PYROXD1: variants seen among roughly 807,000 people sequenced by gnomAD.
PYROXD1 encodes tRNA ligase complex-associated NAD(P)H dehydrogenase PYROXD1.
In PYROXD1, 42 loss-of-function variants were observed where a neutral mutation model predicts 62.0. The ratio of observed to expected loss-of-function variants is 0.68; its 90% CI spans 0.53 to 0.88. The LOEUF (loss-of-function observed/expected upper bound fraction) is 0.88. PYROXD1 is among the 40% of genes least tolerant of loss of function. The pLI, the probability that PYROXD1 is intolerant of heterozygous loss-of-function variation, is 0.00. For synonymous variants in PYROXD1, 170 were observed against 206.4 expected (o/e 0.82, Z 1.51); for missense variants, 493 against 604.8 (o/e 0.82, Z 1.94).
chr12:21,443,666 G>A (rs1411916090), intron 2 of PYROXD1, among the ~76,000 whole-genome samples: 2 of 152,062 alleles, frequency 1.3e-5, no homozygotes, highest in Admixed American at 6.5e-5. Flanking sequence ...GTCGAAAAAC[G>A]TACATTCTGA....
rs115855519 is a variant in PYROXD1, at chr12:21,452,326, C to T, written c.488+172C>T. ...TCATATGTTTTCAAGGGGAAAAATCCACCATATTTTTTTAGCTCTTGTGGA... is the reference window on the plus strand; with the variant it reads ...TCATATGTTTTCAAGGGGAAAAATCTACCATATTTTTTTAGCTCTTGTGGA... On this transcript the variant is annotated intron_variant, in intron 5 of 11. Transcript: ENST00000240651. Among the ~76,000 whole-genome samples, 1,054 of 151,802 alleles carry T rather than the reference C, an allele frequency of 6.9e-3. 12 individuals carry two copies. The highest frequency in any genetic ancestry group is 0.021 in the African/African-American group (850 of 41,400).
At chr12:21,450,024 ATTTTTTT>A (rs57680030) in intron 4 of PYROXD1, among the ~76,000 whole-genome samples, 1 of 140,938 alleles carries the variant, frequency 7.1e-6, no homozygotes. Flanking sequence ...CGCCTGGCTG[ATTTTTTT>A]TTTTTTTTTT....
intron 4 of PYROXD1, among the ~76,000 whole-genome samples, chr12:21,450,827 T>G (rs1243528335): frequency 6.6e-6 from 1 of 152,214 alleles, no homozygotes; most frequent in Non-Finnish European, 1.5e-5. Context: ...CTCGGTCCTC[T>G]ACATACATGA....
chr12:21,438,924 A>T (rs1942245244), intron 1 of PYROXD1, among the ~76,000 whole-genome samples: 1 of 152,172 alleles, frequency 6.6e-6, no homozygotes, highest in African/African-American at 2.4e-5. Context: ...AAGAGACAAT[A>T]TTACAATATT....
intron 7 of PYROXD1, chr12:21,456,973 G>A (rs7964568): frequency 0.49 from 207,544 of 426,628 alleles, 50,938 homozygotes; most frequent in Middle Eastern, 0.57. Context: ...TCATGAGATT[G>A]CAGCAATGTA....
In PYROXD1 at chr12:21,471,242, TAAAGAAA is replaced by T; in HGVS notation, c.*2490_*2496del. 1 of 1,032,540 alleles carries T rather than the reference TAAAGAAA, an allele frequency of 9.7e-7. No individual in the cohort carries two copies. The highest frequency in any genetic ancestry group is 1.4e-6 in the Non-Finnish European group (1 of 735,630). 64.0% of individuals were successfully genotyped at this position (1,032,540 alleles called of 1,614,324 possible). A position where few individuals can be genotyped will look rare whatever the true frequency, so the allele number is the denominator to read the frequency against. On this transcript the variant is annotated 3_prime_UTR_variant, in exon 12 of 12. Transcript: ENST00000240651. The stretch of plus-strand genomic sequence containing the variant: ...TTTACAAGAATGCAAATAAAGCCTT[TAAAGAAA>T]ATATTTTCGTTACTTTTTTTTATTT...
intron 6 of PYROXD1, among the ~76,000 whole-genome samples, 157 bp downstream of exon 6, chr12:21,455,449 A>T (rs554230981): frequency 4.0e-4 from 50 of 125,100 alleles, no homozygotes; most frequent in African/African-American, 1.4e-3. Context: ...TATTTTATAT[A>T]TATGTATGTA....
chr12:21,451,118 G>A (rs185834642), intron 4 of PYROXD1, among the ~76,000 whole-genome samples: 3 of 151,916 alleles, frequency 2.0e-5, no homozygotes, highest in Non-Finnish European at 4.4e-5. Flanking sequence ...TTATAAGTTT[G>A]GAGATAAATT....
In PYROXD1 at chr12:21,440,111, T is replaced by C. The variant is rs1454382800; in HGVS notation, c.85-257T>C. Among the ~76,000 whole-genome samples the C allele has an allele frequency of 7.9e-5, 12 of 152,246 alleles. No individual in the cohort carries two copies. The East Asian group carries it at 2.1e-3, about 27-fold the overall frequency. ...TTGAAGTAAATAAAGGATATTTCTT[T>C]ATATCACTTTTCTTGTTCAGGAGTT... On this transcript the variant is annotated intron_variant, in intron 1 of 11. Coordinates refer to ENST00000240651, the MANE Select transcript of PYROXD1 (RefSeq NM_024854.5).
rs2110165 is a variant in PYROXD1 at position 21,437,854 on chromosome 12, C to A, written c.84+40C>A. 0.49 allele frequency: 771,419 copies of A among 1,570,224 alleles called. 189,640 individuals carry two copies. The highest frequency in any genetic ancestry group is 0.56 in the East Asian group (24,601 of 43,994). On this transcript the variant is annotated intron_variant, in intron 1 of 11. Coordinates refer to ENST00000240651, the MANE Select transcript of PYROXD1 (RefSeq NM_024854.5). ...AGGCGGTTCCGCCTCTTTCCCCGAC[C>A]CCAAAGGGGATAGCACTGGAGGCCT...
At chr12:21,449,993 G>C (rs539862327) in intron 4 of PYROXD1, among the ~76,000 whole-genome samples, 150 of 150,564 alleles carry the variant, frequency 1.0e-3, no homozygotes, top group Middle Eastern at 3.5e-3. Context: ...GAGAAGCTGG[G>C]ACTACAGGTG....
At chr12:21,444,044 C>T (rs1345378295) in intron 2 of PYROXD1, among the ~76,000 whole-genome samples, 1 of 152,008 alleles carries the variant, frequency 6.6e-6, no homozygotes, top group Non-Finnish European at 1.5e-5. Context: ...TATAATAATC[C>T]AAGAGTTGTG....
Position 21,437,829 on chromosome 12 carries a change from A to C in PYROXD1, c.84+15A>C. Reference sequence around the variant, plus strand: ...GTGCGGAGCAGGTAGGGCGGTGCTCAGGCGGTTCCGCCTCTTTCCCCGACC... The same window carrying C: ...GTGCGGAGCAGGTAGGGCGGTGCTCCGGCGGTTCCGCCTCTTTCCCCGACC... On this transcript the variant is annotated intron_variant, in intron 1 of 11. Coordinates refer to ENST00000240651, the MANE Select transcript of PYROXD1 (RefSeq NM_024854.5). 1 of 1,608,062 alleles carries C rather than the reference A, an allele frequency of 6.2e-7. No individual in the cohort carries two copies. The highest frequency in any genetic ancestry group is 8.5e-7 in the Non-Finnish European group (1 of 1,177,334).
In PYROXD1 at chr12:21,448,078, G is replaced by T. The variant is rs930699713; in HGVS notation, c.286-1485G>T. 4.6e-5 allele frequency: 28 copies of T among 602,766 alleles called. No individual in the cohort carries two copies. The South Asian group carries it at 5.3e-4, about 11-fold the overall frequency. 37.3% of individuals were successfully genotyped at this position (602,766 alleles called of 1,614,324 possible). A position where few individuals can be genotyped will look rare whatever the true frequency, so the allele number is the denominator to read the frequency against. The stretch of plus-strand genomic sequence containing the variant: ...GTTTCATTCTCAGCAAACTGAGCTG[G>T]GCCACTCAACATGGCTTTTATCATG... On this transcript the variant is annotated intron_variant, in intron 3 of 11. Transcript: ENST00000240651.
intron 7 of PYROXD1, chr12:21,456,878 A>G (rs1476292056): frequency 2.2e-6 from 1 of 455,412 alleles, no homozygotes; most frequent in Admixed American, 2.4e-5. Context: ...TACTCACAGC[A>G]TCCTCACCAG....
At chr12:21,467,836 TAA>T (rs997357069) in intron 11 of PYROXD1, among the ~76,000 whole-genome samples, 3 of 151,996 alleles carry the variant, frequency 2.0e-5, no homozygotes, top group African/African-American at 4.8e-5. Flanking sequence ...CTATTTTAGT[TAA>T]GAGGGAAAAA....
chr12:21,446,523 T>C (rs1942392172), intron 3 of PYROXD1, among the ~76,000 whole-genome samples: 1 of 152,146 alleles, frequency 6.6e-6, no homozygotes, highest in African/African-American at 2.4e-5. Context: ...TTTTTTTTTT[T>C]TTTAAGGAAG....
chr12:21,448,839 T>C (rs561024946), intron 3 of PYROXD1, among the ~76,000 whole-genome samples: 34 of 152,336 alleles, frequency 2.2e-4, no homozygotes, highest in Admixed American at 1.9e-3. Context: ...ATCTCTGATA[T>C]GTAGTTTTAG....
chr12:21,462,699 A>G, intron 9 of PYROXD1, 41 bp from the exon 10 acceptor site: 1 of 1,604,672 alleles, frequency 6.2e-7, no homozygotes, highest in Admixed American at 1.7e-5. Flanking sequence ...AAGTCGTTTC[A>G]TTTTTCTTAA....
Sources: gnomAD v4.1 joint callset for allele counts (sites outside exome capture counted in the v4.1 genomes callset) on GRCh38, gnomAD v4.1.1 for gene constraint, MANE v1.5 for transcripts, NCBI Gene and HGNC (gene_info 2026-07-23, HGNC 2026-07-21) for gene names.